Variants in PRKG1 observed in about 807,000 individuals in gnomAD.
The protein encoded by PRKG1 is protein kinase cGMP-dependent 1.
Under a neutral mutation model 88.1 loss-of-function variants are expected in PRKG1, and 35 were observed. The ratio of observed to expected loss-of-function variants is 0.40; its 90% CI spans 0.30 to 0.53. The LOEUF (loss-of-function observed/expected upper bound fraction) is 0.53. Ranked by LOEUF, PRKG1 falls within the 20% of genes least tolerant of loss-of-function variation. The pLI is 0.59. For synonymous variants in PRKG1, 303 were observed against 292.5 expected, an observed-to-expected ratio of 1.04 and a Z score of -0.37; for missense variants, 540 against 839.8, an observed-to-expected ratio of 0.64 and a Z score of 4.41.
At chr10:51,466,335 C>A (rs1246040305) in intron 2 of PRKG1, among the ~76,000 whole-genome samples, 1 of 152,170 alleles carries the variant, frequency 6.6e-6, no homozygotes, top group East Asian at 1.9e-4. Flanking sequence ...GTAAGCAAGT[C>A]TTTTTAAACC....
rs76504673 is a variant in PRKG1, at chr10:52,027,576, T to C, written c.763-26908T>C. Reference sequence around the variant, plus strand: ...TATTTTCCACTTCACTTTGTCCAAGTAGACACACATAAACAATGGTGAGCA... The same window carrying C: ...TATTTTCCACTTCACTTTGTCCAAGCAGACACACATAAACAATGGTGAGCA... On this transcript the variant is annotated intron_variant, in intron 5 of 17. Coordinates refer to ENST00000373980, the MANE Select transcript of PRKG1 (RefSeq NM_006258.4). 1.0e-2 allele frequency among the ~76,000 whole-genome samples: 1,520 copies of C among 152,242 alleles called. 20 individuals are homozygous for C. The highest frequency in any genetic ancestry group is 0.033 in the African/African-American group (1,356 of 41,546).
Position 51,929,452 on chromosome 10 carries a change from G to A in PRKG1, c.762+21882G>A, listed in dbSNP as rs1842644567. On this transcript the variant is annotated intron_variant, in intron 5 of 17. Coordinates refer to ENST00000373980, the MANE Select transcript of PRKG1 (RefSeq NM_006258.4). ...TGCAACCTCCACCTCCCGGATTCAAGCGATTCTCCCACCTCAGTCTGTGGA... is the reference window on the plus strand; with the variant it reads ...TGCAACCTCCACCTCCCGGATTCAAACGATTCTCCCACCTCAGTCTGTGGA... 3.4e-5 allele frequency among the ~76,000 whole-genome samples: 5 copies of A among 148,174 alleles called. No homozygotes were observed. In the South Asian group the frequency reaches 1.1e-3, roughly 32 times the overall value.
At chr10:51,144,593 G>T (rs1845896738) in intron 1 of PRKG1, among the ~76,000 whole-genome samples, 1 of 152,018 alleles carries the variant, frequency 6.6e-6, no homozygotes, top group South Asian at 2.1e-4. Flanking sequence ...AAGAAGCTTG[G>T]TAACCACAGA....
chr10:51,453,533 TA>T (rs1185572772), intron 2 of PRKG1, among the ~76,000 whole-genome samples: 2 of 152,046 alleles, frequency 1.3e-5, no homozygotes, highest in Non-Finnish European at 2.9e-5. Context: ...TCAGTTCAAA[TA>T]TTTTTTTAAT....
chr10:51,775,930 T>A (rs184536316), intron 3 of PRKG1, among the ~76,000 whole-genome samples: 103 of 152,278 alleles, frequency 6.8e-4, no homozygotes, highest in Non-Finnish European at 1.1e-3. Context: ...ATGGTTACCC[T>A]TTATATTATT....
chr10:51,359,895 G>T (rs752614562), intron 2 of PRKG1, among the ~76,000 whole-genome samples: 1 of 151,930 alleles, frequency 6.6e-6, no homozygotes, highest in Non-Finnish European at 1.5e-5. Context: ...TTCTGGGCCA[G>T]AGAGCTAGCC....
At chr10:51,926,668 T>C (rs953123119) in intron 5 of PRKG1, among the ~76,000 whole-genome samples, 18 of 151,990 alleles carry the variant, frequency 1.2e-4, no homozygotes, top group Admixed American at 1.1e-3. Flanking sequence ...AGGAAAGCAT[T>C]CCTCCTGTCC....
At position 51,528,667 on chromosome 10, in the gene PRKG1, C is replaced by T. The variant is rs114520067; in HGVS notation, c.592+60831C>T. On this transcript the variant is annotated intron_variant, in intron 3 of 17. Transcript: ENST00000373980. ...AACAGGCACAGCTATCCTTTCTTCT[C>T]GGGGTGGGGGGAAGACAGGGGGTGG... is the stretch of plus-strand genomic sequence containing the variant. 6.3e-3 allele frequency among the ~76,000 whole-genome samples: 759 copies of T among 121,154 alleles called. 8 individuals carry two copies. The highest frequency in any genetic ancestry group is 0.023 in the African/African-American group (726 of 31,118). 79.5% of individuals were successfully genotyped at this position (121,154 alleles called of 152,430 possible).
intron 9 of PRKG1, among the ~76,000 whole-genome samples, chr10:52,169,938 G>C (rs1266226168): frequency 1.3e-5 from 2 of 152,086 alleles, no homozygotes; most frequent in Admixed American, 1.3e-4. Flanking sequence ...CCTCTTCAAA[G>C]GTTAAGAGTG....
At chr10:52,213,809 T>C (rs1192888015) in intron 9 of PRKG1, among the ~76,000 whole-genome samples, 1 of 152,196 alleles carries the variant, frequency 6.6e-6, no homozygotes, top group East Asian at 1.9e-4. Flanking sequence ...AAATTCACTT[T>C]GTATTCTACC....
intron 4 of PRKG1, among the ~76,000 whole-genome samples, chr10:51,807,981 A>G (rs1839350809): frequency 6.6e-6 from 1 of 152,176 alleles, no homozygotes; most frequent in Non-Finnish European, 1.5e-5. Context: ...CGAAAGCCAG[A>G]AGAGTGAATA....
At chr10:51,179,131 T>C (rs191461391) in intron 2 of PRKG1, among the ~76,000 whole-genome samples, 2 of 152,332 alleles carry the variant, frequency 1.3e-5, no homozygotes, top group Non-Finnish European at 2.9e-5. Context: ...AACCAGGGAT[T>C]ATGAATATGT....
intron 5 of PRKG1, among the ~76,000 whole-genome samples, chr10:52,022,302 G>A (rs1323581093): frequency 6.6e-6 from 1 of 152,124 alleles, no homozygotes; most frequent in African/African-American, 2.4e-5. Flanking sequence ...TGGGTTTCTT[G>A]GGACATAACC....
chr10:52,080,773 TA>T (rs1383784279), intron 7 of PRKG1, among the ~76,000 whole-genome samples: 1 of 152,220 alleles, frequency 6.6e-6, no homozygotes, highest in Non-Finnish European at 1.5e-5. Flanking sequence ...TTAATTTATT[TA>T]AAGTCTCTAG....
intron 1 of PRKG1, among the ~76,000 whole-genome samples, chr10:51,092,956 A>T (rs528813815): frequency 3.3e-5 from 5 of 152,352 alleles, no homozygotes; most frequent in Admixed American, 2.0e-4. Context: ...AGATATACCT[A>T]TGTATACACA....
At position 51,982,268 on chromosome 10, in the gene PRKG1, C is replaced by A. The variant is rs1458660013; in HGVS notation, c.763-72216C>A. On this transcript the variant is annotated intron_variant, in intron 5 of 17. Coordinates refer to ENST00000373980, the MANE Select transcript of PRKG1 (RefSeq NM_006258.4). ...ATTGAGTTTCAGTGTATTCCTGCAT[C>A]TCAATGATGTTCATTCCTATCCATA... Among the ~76,000 whole-genome samples the A allele has an allele frequency of 2.0e-5, 3 of 152,134 alleles. No homozygotes were observed. The East Asian group carries it at 5.8e-4, about 29-fold the overall frequency.
chr10:51,321,042 T>G (rs1841441109), intron 2 of PRKG1, among the ~76,000 whole-genome samples: 1 of 151,422 alleles, frequency 6.6e-6, no homozygotes, highest in East Asian at 1.9e-4. Context: ...GAGATATCCT[T>G]GTACCACACA....
chr10:51,601,715 G>T (rs373557305), intron 3 of PRKG1, among the ~76,000 whole-genome samples: 4 of 87,950 alleles, frequency 4.5e-5, no homozygotes, highest in South Asian at 4.2e-4. Context: ...TAAAGTGGCA[G>T]ATTGAATTTT....
At chr10:51,306,615 AG>A (rs1320581971) in intron 2 of PRKG1, 31 of 152,292 alleles carry the variant, frequency 2.0e-4, no homozygotes, top group African/African-American at 7.2e-4. Context: ...GGATTAATTC[AG>A]CCGTCCAGGA....
Sources: gnomAD v4.1 joint callset for allele counts (sites outside exome capture counted in the v4.1 genomes callset) on GRCh38, gnomAD v4.1.1 for gene constraint, MANE v1.5 for transcripts, NCBI Gene and HGNC (gene_info 2026-07-23, HGNC 2026-07-21) for gene names.